The following AOAH variants were observed in gnomAD, a reference collection of about 807,000 sequenced individuals.
AOAH encodes acyloxyacyl hydrolase.
A neutral mutation model predicts 92.2 loss-of-function variants in AOAH; 64 were observed. The observed-to-expected ratio is 0.69, with a 90% CI of 0.57 to 0.86. The LOEUF (loss-of-function observed/expected upper bound fraction) is 0.86. AOAH is among the 40% of genes least tolerant of loss of function. The pLI is 0.00. For missense variants in AOAH, 656 were observed against 694.6 expected, an observed-to-expected ratio of 0.94 and a Z score of 0.62; for synonymous variants, 263 against 254.5, an observed-to-expected ratio of 1.03 and a Z score of -0.32.
intron 19 of AOAH, among the ~76,000 whole-genome samples, chr7:36,527,160 A>G (rs1440284712): frequency 6.6e-6 from 1 of 152,216 alleles, no homozygotes; most frequent in Non-Finnish European, 1.5e-5. Flanking sequence ...CAAGAGACAG[A>G]AAGTCTTTGG....
chr7:36,605,090 C>T (rs1264969647), intron 11 of AOAH, among the ~76,000 whole-genome samples: 1 of 152,108 alleles, frequency 6.6e-6, no homozygotes, highest in Non-Finnish European at 1.5e-5. Context: ...TCACTGTGCC[C>T]TAACTCCCAA....
intron 2 of AOAH, among the ~76,000 whole-genome samples, chr7:36,676,709 A>G (rs1432588546): frequency 6.6e-6 from 1 of 152,224 alleles, no homozygotes; most frequent in African/African-American, 2.4e-5. Context: ...TTTCAAAGCT[A>G]GACAGCTACT....
In AOAH at chr7:36,537,506, G is replaced by GT. The variant is rs67918250; in HGVS notation, c.1306+2812dup. Reference sequence around the variant, plus strand: ...ACTAGATGCTAGTTGCACCCCTCTTGTTTTTTTTTTTTTTTTGTTTGTTTG... The same window carrying GT: ...ACTAGATGCTAGTTGCACCCCTCTTGTTTTTTTTTTTTTTTTTGTTTGTTTG... On this transcript the variant is annotated intron_variant, in intron 16 of 20. Transcript: ENST00000617537. Among the ~76,000 whole-genome samples, 386 of 134,816 alleles carry GT rather than the reference G, an allele frequency of 2.9e-3. 11 individuals carry two copies. Among genetic ancestry groups the GT allele is most frequent in the East Asian group, 0.019 (85 of 4,478 alleles). The allele number at this position is 134,816 out of a possible 152,430, so 88.4% of individuals were successfully genotyped here.
intron 13 of AOAH, 51 bp downstream of exon 13, chr7:36,576,523 A>C (rs767683633): frequency 9.3e-7 from 1 of 1,070,490 alleles, no homozygotes; most frequent in South Asian, 1.6e-5. Context: ...TATGAAATAA[A>C]CTCAATCATT....
At chr7:36,596,006 T>A (rs1790083418) in intron 11 of AOAH, among the ~76,000 whole-genome samples, 1 of 152,196 alleles carries the variant, frequency 6.6e-6, no homozygotes, top group African/African-American at 2.4e-5. Context: ...TCCATGAAGA[T>A]CCCTCTCCTA....
At chr7:36,681,354 G>C (rs151071996) in intron 2 of AOAH, among the ~76,000 whole-genome samples, 216 of 152,212 alleles carry the variant, frequency 1.4e-3, no homozygotes, top group African/African-American at 5.1e-3. Flanking sequence ...TAAGAGACTT[G>C]ACCTAGGCCT....
intron 1 of AOAH, among the ~76,000 whole-genome samples, chr7:36,708,053 A>G (rs1798536685): frequency 6.6e-6 from 1 of 152,024 alleles, no homozygotes; most frequent in African/African-American, 2.4e-5. Context: ...TTGGCCTCTC[A>G]AAATGTTGGG....
intron 6 of AOAH, 95 bp downstream of exon 6, chr7:36,631,941 T>TTAAG: frequency 1.1e-6 from 1 of 938,736 alleles, no homozygotes; most frequent in Non-Finnish European, 1.6e-6. Context: ...GGGATGCCTT[T>TTAAG]TAAGTGTGAA....
chr7:36,633,527 G>A (rs964924650), intron 5 of AOAH, among the ~76,000 whole-genome samples: 2 of 152,190 alleles, frequency 1.3e-5, no homozygotes, highest in Non-Finnish European at 1.5e-5. Context: ...TGCCCGAGCA[G>A]TGCTGTGGAG....
At chr7:36,650,514 C>T (rs1477051892) in intron 4 of AOAH, among the ~76,000 whole-genome samples, 1 of 152,166 alleles carries the variant, frequency 6.6e-6, no homozygotes. Context: ...CTTAGGCCAG[C>T]CTCCAGCACA....
chr7:36,654,791 G>GTC (rs1794780249), intron 4 of AOAH, among the ~76,000 whole-genome samples: 1 of 152,202 alleles, frequency 6.6e-6, no homozygotes, highest in Non-Finnish European at 1.5e-5. Flanking sequence ...CACCTACGGA[G>GTC]TCTCAGTGAG....
intron 12 of AOAH, among the ~76,000 whole-genome samples, chr7:36,582,335 CA>C (rs1788989905): frequency 2.0e-5 from 3 of 152,194 alleles, no homozygotes; most frequent in Admixed American, 2.0e-4. Flanking sequence ...CCAATGCCTA[CA>C]GAACTGAATC....
At position 36,523,417 on chromosome 7, in the gene AOAH, G is replaced by A. The variant is rs939777539; in HGVS notation, c.1523-1302C>T. On this transcript the variant is annotated intron_variant, in intron 19 of 20. Coordinates refer to ENST00000617537, the MANE Select transcript of AOAH (RefSeq NM_001637.4). Reference sequence around the variant, plus strand: ...CTGGTAAATAGCACTTCTATCTGAAGGAATGGTAGGTACCTGCTCTTCTAA... The same window carrying A: ...CTGGTAAATAGCACTTCTATCTGAAAGAATGGTAGGTACCTGCTCTTCTAA... 5.3e-5 allele frequency among the ~76,000 whole-genome samples: 8 copies of A among 152,160 alleles called. No homozygotes were observed. The East Asian group carries it at 1.5e-3, about 29-fold the overall frequency.
intron 19 of AOAH, among the ~76,000 whole-genome samples, chr7:36,525,961 TG>T (rs1784376528): frequency 2.6e-5 from 4 of 152,160 alleles, no homozygotes; most frequent in Admixed American, 2.6e-4. Context: ...GATATTTACT[TG>T]CCAAGCTTTG....
In AOAH at chr7:36,513,218, C is replaced by G; in HGVS notation, c.*34G>C. ...TGAGTTTACCCAAGCCTCTGCCTCC[C>G]TGTGCTCCCCAGGGGTGCATGCTCC... On this transcript the variant is annotated 3_prime_UTR_variant, in exon 21 of 21. Transcript: ENST00000617537. The G allele has an allele frequency of 1.9e-6, 3 of 1,614,184 alleles. No individual in the cohort carries two copies. Among genetic ancestry groups the G allele is most frequent in the Non-Finnish European group, 2.5e-6 (3 of 1,180,028 alleles).
At chr7:36,651,416 A>T (rs1794570268) in intron 4 of AOAH, among the ~76,000 whole-genome samples, 1 of 152,198 alleles carries the variant, frequency 6.6e-6, no homozygotes, top group South Asian at 2.1e-4. Context: ...GACTTGGGAT[A>T]GTTAAAAAAA....
chr7:36,705,537 T>C (rs761190785), intron 1 of AOAH, among the ~76,000 whole-genome samples: 1 of 152,052 alleles, frequency 6.6e-6, no homozygotes, highest in Non-Finnish European at 1.5e-5. Context: ...AGAGTCAATA[T>C]CGTGAAAATG....
intron 1 of AOAH, among the ~76,000 whole-genome samples, chr7:36,707,818 C>G (rs891395736): frequency 1.4e-5 from 2 of 139,886 alleles, no homozygotes; most frequent in Non-Finnish European, 3.1e-5. Flanking sequence ...ATTCTTGGAT[C>G]TGTAGGCTAA....
At chr7:36,560,200 G>T (rs1349073378) in intron 13 of AOAH, among the ~76,000 whole-genome samples, 1 of 152,116 alleles carries the variant, frequency 6.6e-6, no homozygotes, top group Non-Finnish European at 1.5e-5. Context: ...GCTTAGGATT[G>T]CTTTGTCTAT....
Sources: allele counts gnomAD v4.1 joint callset (sites outside exome capture counted in the v4.1 genomes callset), GRCh38; gene constraint gnomAD v4.1.1; transcripts MANE v1.5; gene names NCBI Gene and HGNC (gene_info 2026-07-23, HGNC 2026-07-21).